The following RAB3GAP1 variants were observed in gnomAD, a reference collection of about 807,000 sequenced individuals.
RAB3GAP1 encodes the protein rab3 GTPase-activating protein catalytic subunit.
RAB3GAP1 carries 86 observed loss-of-function variants against 130.7 expected under a neutral mutation model. That is an observed-to-expected ratio of 0.66 (90% CI 0.55 to 0.79). RAB3GAP1 has a LOEUF of 0.79. Ranked by LOEUF, RAB3GAP1 falls within the 30% of genes least tolerant of loss-of-function variation. The pLI is 0.00. For synonymous variants in RAB3GAP1, 367 were observed against 401.7 expected, an observed-to-expected ratio of 0.91 and a Z score of 1.03; for missense variants, 1,029 against 1,169.4, an observed-to-expected ratio of 0.88 and a Z score of 1.75.
chr2:135,136,619 A>G (rs1357687565), intron 17 of RAB3GAP1: 1 of 821,640 alleles, frequency 1.2e-6, no homozygotes, highest in Non-Finnish European at 1.7e-6. Flanking sequence ...TTAAAAAAGA[A>G]AATCCAACTG....
intron 5 of RAB3GAP1, among the ~76,000 whole-genome samples, chr2:135,095,373 G>A (rs1382124472): frequency 1.3e-5 from 2 of 152,282 alleles, no homozygotes; most frequent in Admixed American, 6.5e-5. Flanking sequence ...TAAGGATAGC[G>A]GTCACAGGCC....
intron 5 of RAB3GAP1, among the ~76,000 whole-genome samples, chr2:135,097,475 C>G (rs921981777): frequency 6.6e-6 from 1 of 152,158 alleles, no homozygotes; most frequent in African/African-American, 2.4e-5. Context: ...CCCACCTCAG[C>G]CTCCCAAAGT....
chr2:135,139,145 A>G (rs185000333), intron 17 of RAB3GAP1, among the ~76,000 whole-genome samples: 18 of 152,238 alleles, frequency 1.2e-4, no homozygotes, highest in African/African-American at 3.9e-4. Context: ...TTTAGATGTG[A>G]ATCTACAGTT....
chr2:135,118,807 G>A (rs148384008), intron 7 of RAB3GAP1, among the ~76,000 whole-genome samples: 34 of 152,136 alleles, frequency 2.2e-4, no homozygotes, highest in African/African-American at 7.5e-4. Flanking sequence ...CCACATGTGG[G>A]TGAGGGTTTT....
chr2:135,148,832 G>C, intron 17 of RAB3GAP1, among the ~76,000 whole-genome samples: 1 of 151,880 alleles, frequency 6.6e-6, no homozygotes, highest in East Asian at 1.9e-4. Context: ...AATTCTTAAA[G>C]TCAGCATTAA....
At chr2:135,081,368 A>ACACC in intron 3 of RAB3GAP1, among the ~76,000 whole-genome samples, 1 of 108,432 alleles carries the variant, frequency 9.2e-6, no homozygotes. Flanking sequence ...ATATACACAC[A>ACACC]CGTGTGTGTG....
Position 135,167,581 on chromosome 2 carries a change from A to G in RAB3GAP1, c.2710-964A>G. On this transcript the variant is annotated intron_variant, in intron 23 of 23. Coordinates refer to ENST00000264158, the MANE Select transcript of RAB3GAP1 (RefSeq NM_012233.3). ...TTCTTTTGATAGGATCATGTTCCAT[A>G]ATGTAGTGCATACTGTCTTTGAAAT... 3 of 855,012 alleles carry G rather than the reference A, an allele frequency of 3.5e-6. No homozygotes were observed. In the South Asian group the frequency reaches 4.8e-5, roughly 14 times the overall value. 53.0% of individuals were successfully genotyped at this position (855,012 alleles called of 1,614,324 possible).
intron 3 of RAB3GAP1, among the ~76,000 whole-genome samples, chr2:135,079,383 C>G (rs1310253124): frequency 6.6e-6 from 1 of 152,178 alleles, no homozygotes; most frequent in African/African-American, 2.4e-5. Context: ...CTAGTGTGTT[C>G]AGATGAATTC....
At chr2:135,170,866 C>T (rs1692830521), downstream of RAB3GAP1, among the ~76,000 whole-genome samples, 1 of 151,986 alleles carries the variant, frequency 6.6e-6, no homozygotes, top group African/African-American at 2.4e-5. Flanking sequence ...TTCCTCCAGC[C>T]CTGTGTGCAA....
intron 17 of RAB3GAP1, among the ~76,000 whole-genome samples, chr2:135,146,378 A>C (rs1043556214): frequency 1.3e-5 from 2 of 151,554 alleles, no homozygotes; most frequent in East Asian, 3.9e-4. Flanking sequence ...AGCCTGACTA[A>C]TTTTTGTATT....
At chr2:135,116,659 G>C (rs1690979691) in intron 7 of RAB3GAP1, among the ~76,000 whole-genome samples, 6 of 152,142 alleles carry the variant, frequency 3.9e-5, no homozygotes, top group Admixed American at 3.9e-4. Context: ...TAGTTGTATA[G>C]ACTAATGTCC....
intron 5 of RAB3GAP1, among the ~76,000 whole-genome samples, chr2:135,112,679 T>G (rs908903771): frequency 6.6e-6 from 1 of 152,142 alleles, no homozygotes; most frequent in Non-Finnish European, 1.5e-5. Flanking sequence ...CTGTTGACCT[T>G]TTTTTCTCAA....
At chr2:135,135,496 A>C in intron 16 of RAB3GAP1, 68 bp from the exon 17 acceptor site, 1 of 1,494,476 alleles carries the variant, frequency 6.7e-7, no homozygotes, top group Non-Finnish European at 9.1e-7. Context: ...TTAAATATTC[A>C]AGCAGTAGGT....
intron 7 of RAB3GAP1, among the ~76,000 whole-genome samples, chr2:135,117,531 GCTTCTT>G (rs1346321623): frequency 1.5e-4 from 3 of 20,010 alleles, no homozygotes; most frequent in South Asian, 1.7e-3. Context: ...TGCTTCTTCT[GCTTCTT>G]CTTCTGCTTC....
chr2:135,093,600 C>G lies in RAB3GAP1; in HGVS notation c.284-15C>G. 3 of 1,600,868 alleles carry G rather than the reference C, an allele frequency of 1.9e-6. No individual in the cohort carries two copies. The highest frequency in any genetic ancestry group is 2.6e-6 in the Non-Finnish European group (3 of 1,167,982). ...ATGAACATACTAACTTTTTCATTAT[C>G]AAATGTTTTTGTAGATGTTGTTCCA... is the stretch of plus-strand genomic sequence containing the variant. On this transcript the variant is annotated splice_polypyrimidine_tract_variant and intron_variant, in intron 4 of 23. Transcript: ENST00000264158.
intron 5 of RAB3GAP1, among the ~76,000 whole-genome samples, chr2:135,105,232 G>A (rs1335123795): frequency 3.3e-4 from 5 of 15,178 alleles, no homozygotes; most frequent in South Asian, 2.2e-3. Flanking sequence ...TCCCCCTCCC[G>A]CTCCCCCCTT....
intron 3 of RAB3GAP1, among the ~76,000 whole-genome samples, chr2:135,060,630 T>C (rs894676697): frequency 5.9e-5 from 9 of 152,126 alleles, no homozygotes; most frequent in Admixed American, 5.9e-4. Flanking sequence ...GTCATCTCTG[T>C]TACCCCAGGA....
At chr2:135,082,169 A>G (rs796147053) in intron 3 of RAB3GAP1, among the ~76,000 whole-genome samples, 4 of 106,706 alleles carry the variant, frequency 3.7e-5, no homozygotes, top group African/African-American at 1.9e-4. Flanking sequence ...ATGAATAAAT[A>G]AATAAAGATT....
intron 17 of RAB3GAP1, among the ~76,000 whole-genome samples, chr2:135,144,852 T>G (rs1691950136): frequency 6.6e-6 from 1 of 152,254 alleles, no homozygotes. Flanking sequence ...CGGTATTCTC[T>G]CTTGCCTCTG....
Sources: allele counts gnomAD v4.1 joint callset (sites outside exome capture counted in the v4.1 genomes callset), GRCh38; gene constraint gnomAD v4.1.1; transcripts MANE v1.5; gene names NCBI Gene and HGNC (gene_info 2026-07-23, HGNC 2026-07-21).